The following FLI1 variants were observed in gnomAD, a reference collection of about 807,000 sequenced individuals.
FLI1 encodes the protein Fli-1 proto-oncogene, ETS transcription factor, also known as Friend leukemia integration 1 transcription factor.
A neutral mutation model predicts 53.1 loss-of-function variants in FLI1; 13 were observed. That is an observed-to-expected ratio of 0.24 (90% CI 0.16 to 0.39). The LOEUF is 0.39. FLI1 is among the 10% of genes least tolerant of loss of function. The pLI is 1.00. For synonymous variants in FLI1, 244 were observed against 236.7 expected, an observed-to-expected ratio of 1.03 and a Z score of -0.28; for missense variants, 424 against 600.5, an observed-to-expected ratio of 0.71 and a Z score of 3.07.
At chr11:128,749,845 C>G (rs1242974532) in intron 1 of FLI1, among the ~76,000 whole-genome samples, 2 of 152,134 alleles carry the variant, frequency 1.3e-5, no homozygotes, top group Non-Finnish European at 2.9e-5. Context: ...GCAAGAAATG[C>G]GCACATGTAG....
rs138749972 is a variant in FLI1 at position 128,775,749 on chromosome 11, G to A, written c.589+2764G>A. 1.7e-3 allele frequency among the ~76,000 whole-genome samples: 265 copies of A among 152,370 alleles called. 7 individuals carry two copies. Among genetic ancestry groups the A allele is most frequent in the South Asian group, 0.016 (76 of 4,828 alleles). ...TTGAGGCGATGAGTCAAGGCAAGGG[G>A]AGAGGGTGCTGATTCTTTGTGCTTT... On this transcript the variant is annotated intron_variant, in intron 4 of 8. Coordinates refer to ENST00000527786, the MANE Select transcript of FLI1 (RefSeq NM_002017.5).
intron 1 of FLI1, among the ~76,000 whole-genome samples, chr11:128,698,733 T>TGTGTGTGTGTGTGA (rs766077047): frequency 0.014 from 1,886 of 133,768 alleles, 16 homozygotes; most frequent in African/African-American, 0.024. Flanking sequence ...TGTGTGTGTG[T>TGTGTGTGTGTGTGA]GAGAGAGAGA....
chr11:128,685,856 G>T (rs1865792138), upstream of FLI1, among the ~76,000 whole-genome samples: 1 of 152,056 alleles, frequency 6.6e-6, no homozygotes, highest in African/African-American at 2.4e-5. Context: ...GAGAGATACG[G>T]CCGCCAGACT....
Position 128,790,107 on chromosome 11 carries a change from G to C in FLI1, c.655+8084G>C, listed in dbSNP as rs1007126109. On this transcript the variant is annotated intron_variant, in intron 5 of 8. Coordinates refer to ENST00000527786, the MANE Select transcript of FLI1 (RefSeq NM_002017.5). The stretch of plus-strand genomic sequence containing the variant: ...GTGTGTGTGTGTGTGCACGCGTGCT[G>C]TTTCTGTGGTCCAAAGGCAAGATTT... Among the ~76,000 whole-genome samples, 4 of 141,040 alleles carry C rather than the reference G, an allele frequency of 2.8e-5. No homozygotes were observed. The East Asian group carries it at 8.3e-4, about 29-fold the overall frequency. 92.5% of individuals were successfully genotyped at this position (141,040 alleles called of 152,430 possible).
intron 2 of FLI1, among the ~76,000 whole-genome samples, chr11:128,767,683 G>A (rs987074499): frequency 5.3e-5 from 8 of 152,308 alleles, no homozygotes; most frequent in South Asian, 2.1e-4. Flanking sequence ...GTCAGGGGGC[G>A]CAGGCCAAGC....
chr11:128,726,671 CACAG>C (rs1221514069), intron 1 of FLI1, among the ~76,000 whole-genome samples: 1 of 152,042 alleles, frequency 6.6e-6, no homozygotes, highest in Non-Finnish European at 1.5e-5. Flanking sequence ...TCCATAGGCC[CACAG>C]ACAGAGACAG....
intron 1 of FLI1, among the ~76,000 whole-genome samples, chr11:128,719,623 T>G (rs542281771): frequency 2.6e-5 from 4 of 152,274 alleles, no homozygotes; most frequent in Admixed American, 2.0e-4. Flanking sequence ...CTGCAAATTT[T>G]GGGAGCTGAA....
At chr11:128,687,435 CA>C (rs1355404795) in intron 1 of FLI1, among the ~76,000 whole-genome samples, 1 of 152,180 alleles carries the variant, frequency 6.6e-6, no homozygotes, top group Non-Finnish European at 1.5e-5. Flanking sequence ...TCACGCCATG[CA>C]GCCGCGACCT....
chr11:128,754,791 G>A (rs796766749), intron 1 of FLI1, among the ~76,000 whole-genome samples: 3 of 152,360 alleles, frequency 2.0e-5, no homozygotes, highest in African/African-American at 7.2e-5. Flanking sequence ...GGAGGGAAGA[G>A]TCTCAGAGAG....
intron 1 of FLI1, among the ~76,000 whole-genome samples, chr11:128,743,854 G>C (rs893450225): frequency 3.3e-5 from 5 of 152,236 alleles, no homozygotes; most frequent in African/African-American, 9.6e-5. Context: ...AGCAGGACTT[G>C]TTCACAAAAT....
intron 1 of FLI1, among the ~76,000 whole-genome samples, chr11:128,741,001 G>A (rs528702117): frequency 2.0e-5 from 3 of 152,316 alleles, no homozygotes; most frequent in Non-Finnish European, 4.4e-5. Context: ...TCCCAGGCAC[G>A]TTGGCACGCC....
At chr11:128,771,221 A>G (rs1941542942) in intron 3 of FLI1, among the ~76,000 whole-genome samples, 1 of 152,234 alleles carries the variant, frequency 6.6e-6, no homozygotes, top group Admixed American at 6.5e-5. Flanking sequence ...CTCACAGGGC[A>G]TTAGGTTGTT....
intron 5 of FLI1, among the ~76,000 whole-genome samples, chr11:128,790,266 T>TTTTA (rs1565501815): frequency 6.6e-6 from 1 of 150,456 alleles, no homozygotes; most frequent in African/African-American, 2.4e-5. Flanking sequence ...TTTTTTTTTT[T>TTTTA]CCACGAGAGA....
At chr11:128,738,697 G>A (rs1940006869) in intron 1 of FLI1, among the ~76,000 whole-genome samples, 1 of 152,200 alleles carries the variant, frequency 6.6e-6, no homozygotes, top group Non-Finnish European at 1.5e-5. Flanking sequence ...TTGCCATGAG[G>A]GCCAGACAAT....
At chr11:128,798,678 G>A (rs978243065) in intron 5 of FLI1, among the ~76,000 whole-genome samples, 9 of 152,144 alleles carry the variant, frequency 5.9e-5, no homozygotes, top group Non-Finnish European at 8.8e-5. Flanking sequence ...TGGGGAAAGC[G>A]TTCCCTGGAT....
rs369093441 is a variant in FLI1, at chr11:128,705,101, A to T, written c.18+10825A>T. ...CTTAGCCACTGTGATACATCACCAG[A>T]TTGATACATACATCTCCATATAGTT... On this transcript the variant is annotated intron_variant, in intron 1 of 8. Coordinates refer to ENST00000527786, the MANE Select transcript of FLI1 (RefSeq NM_002017.5). 9.3e-4 allele frequency among the ~76,000 whole-genome samples: 142 copies of T among 152,310 alleles called. 1 individual carries two copies. Among genetic ancestry groups the T allele is most frequent in the African/African-American group, 2.8e-3 (115 of 41,562 alleles).
intron 1 of FLI1, among the ~76,000 whole-genome samples, 193 bp downstream of exon 1, chr11:128,694,469 T>C (rs1403686545): frequency 8.3e-5 from 3 of 36,124 alleles, no homozygotes; most frequent in Non-Finnish European, 1.5e-4. Flanking sequence ...GGCGCCCGCA[T>C]TGAGGGCGAC....
chr11:128,701,553 T>A (rs995806647), intron 1 of FLI1, among the ~76,000 whole-genome samples: 2 of 152,168 alleles, frequency 1.3e-5, no homozygotes, highest in African/African-American at 2.4e-5. Flanking sequence ...TTACAGTACC[T>A]TCAAAATTGC....
At chr11:128,741,897 C>G (rs1271367466) in intron 1 of FLI1, among the ~76,000 whole-genome samples, 1 of 152,164 alleles carries the variant, frequency 6.6e-6, no homozygotes, top group African/African-American at 2.4e-5. Flanking sequence ...GAAGCTTGTG[C>G]CTGGACTGTC....
Sources: allele counts gnomAD v4.1 joint callset (sites outside exome capture counted in the v4.1 genomes callset), GRCh38; gene constraint gnomAD v4.1.1; transcripts MANE v1.5; gene names NCBI Gene and HGNC (gene_info 2026-07-23, HGNC 2026-07-21).